NAV3: variants seen among roughly 807,000 people sequenced by gnomAD.
NAV3 encodes the protein pore membrane and/or filament interacting like protein 1.
Under a neutral mutation model 244.7 loss-of-function variants are expected in NAV3, and 87 were observed. The observed-to-expected ratio is 0.36, with a 90% CI of 0.30 to 0.42. NAV3 has a LOEUF of 0.42. Ranked by LOEUF, NAV3 falls within the 20% of genes least tolerant of loss-of-function variation. The probability of loss-of-function intolerance (pLI) is 1.00; values close to 1 mark genes in which losing one functional copy is unlikely to be tolerated. For missense variants in NAV3, 2,663 were observed against 2,893.3 expected, an observed-to-expected ratio of 0.92 and a Z score of 1.83; for synonymous variants, 1,126 against 1,042.2, an observed-to-expected ratio of 1.08 and a Z score of -1.55.
chr12:77,629,590 C>G (rs930753711), intron 2 of NAV3, among the ~76,000 whole-genome samples: 5 of 152,182 alleles, frequency 3.3e-5, no homozygotes, highest in African/African-American at 1.2e-4. Flanking sequence ...TAACTTTTCA[C>G]TCTAATTTTT....
chr12:77,849,332 C>A (rs1029462585), intron 1 of NAV3, among the ~76,000 whole-genome samples: 7 of 152,052 alleles, frequency 4.6e-5, no homozygotes, highest in Non-Finnish European at 5.9e-5. Flanking sequence ...GCAAAAAGAG[C>A]CATCCTAGAG....
At chr12:77,837,469 T>C (rs917205943) in intron 1 of NAV3, among the ~76,000 whole-genome samples, 6 of 152,022 alleles carry the variant, frequency 3.9e-5, no homozygotes, top group African/African-American at 9.7e-5. Flanking sequence ...AAACACTTCA[T>C]AGAGTATTCC....
intron 1 of NAV3, among the ~76,000 whole-genome samples, chr12:77,842,681 G>A (rs1438182089): frequency 1.3e-5 from 2 of 151,872 alleles, no homozygotes; most frequent in African/African-American, 4.8e-5. Flanking sequence ...GGGTCACCGA[G>A]TGGGAATGTG....
chr12:77,832,532 T>C (rs1405223468), intron 1 of NAV3, among the ~76,000 whole-genome samples: 5 of 152,204 alleles, frequency 3.3e-5, no homozygotes, highest in Non-Finnish European at 7.3e-5. Context: ...ATTTATGTGG[T>C]TCATGAGAGA....
intron 16 of NAV3, among the ~76,000 whole-genome samples, chr12:78,126,497 T>C (rs2138791662): frequency 6.6e-6 from 1 of 152,316 alleles, no homozygotes; most frequent in East Asian, 1.9e-4. Context: ...ACATAGCTTT[T>C]CATTCCTTCT....
chr12:77,586,117 G>A (rs1354037532), intron 2 of NAV3, among the ~76,000 whole-genome samples: 6 of 151,850 alleles, frequency 4.0e-5, no homozygotes, highest in Admixed American at 3.9e-4. Context: ...AGCCGAGATC[G>A]CGCCACTGCA....
At chr12:77,824,720 C>T (rs1872898338) in intron 2 of NAV3, among the ~76,000 whole-genome samples, 2 of 151,880 alleles carry the variant, frequency 1.3e-5, no homozygotes, top group Non-Finnish European at 2.9e-5. Flanking sequence ...TGGTAAAACC[C>T]TGTATCTACT....
chr12:77,835,076 A>C (rs1303248569), intron 1 of NAV3, among the ~76,000 whole-genome samples: 1 of 37,034 alleles, frequency 2.7e-5, no homozygotes, highest in African/African-American at 8.0e-5. Flanking sequence ...GGGAGACTTC[A>C]GGAAGTTGTC....
At chr12:77,726,952 C>G (rs1876904408) in intron 2 of NAV3, among the ~76,000 whole-genome samples, 1 of 151,796 alleles carries the variant, frequency 6.6e-6, no homozygotes, top group South Asian at 2.1e-4. Flanking sequence ...ATGTTAAAAA[C>G]AAGGAAAGCT....
chr12:77,686,420 CTTTCTTTTT>C (rs746000926), intron 2 of NAV3, among the ~76,000 whole-genome samples: 6 of 48,566 alleles, frequency 1.2e-4, no homozygotes, highest in East Asian at 1.5e-3. Context: ...TTCTTTCTTT[CTTTCTTTTT>C]TTTTTTTTTT....
intron 24 of NAV3, among the ~76,000 whole-genome samples, chr12:78,170,456 CTCT>C (rs1396715879): frequency 6.6e-6 from 1 of 151,694 alleles, no homozygotes; most frequent in African/African-American, 2.4e-5. Context: ...AATAGCCTTC[CTCT>C]TCTTAATCTT....
At chr12:77,610,231 T>C (rs1870850201) in intron 2 of NAV3, among the ~76,000 whole-genome samples, 1 of 151,650 alleles carries the variant, frequency 6.6e-6, no homozygotes. Context: ...TGAAAAATGC[T>C]CTTTTCTTAG....
chr12:77,956,094 A>G (rs149222708), intron 3 of NAV3, among the ~76,000 whole-genome samples: 84 of 152,328 alleles, frequency 5.5e-4, no homozygotes, highest in African/African-American at 1.9e-3. Context: ...AAGCAAAAAT[A>G]TTACTGTATT....
intron 6 of NAV3, among the ~76,000 whole-genome samples, 181 bp from the exon 7 acceptor site, chr12:77,998,156 C>T (rs985121270): frequency 6.6e-6 from 1 of 152,090 alleles, no homozygotes; most frequent in Non-Finnish European, 1.5e-5. Context: ...AAAAGGGAAA[C>T]AAGATTTTTC....
intron 22 of NAV3, among the ~76,000 whole-genome samples, chr12:78,149,893 G>A (rs1307673880): frequency 6.6e-6 from 1 of 151,990 alleles, no homozygotes; most frequent in African/African-American, 2.4e-5. Context: ...TTCTGAGTAT[G>A]TGTATCATTT....
At chr12:77,688,413 C>T (rs1275980583) in intron 2 of NAV3, among the ~76,000 whole-genome samples, 1 of 152,018 alleles carries the variant, frequency 6.6e-6, no homozygotes, top group Admixed American at 6.6e-5. Flanking sequence ...ACTTTCCTCA[C>T]TAGGCTGTAA....
chr12:78,117,489 A>C (rs1955471145), intron 13 of NAV3, among the ~76,000 whole-genome samples: 1 of 147,040 alleles, frequency 6.8e-6, no homozygotes, highest in African/African-American at 2.5e-5. Context: ...TTAATATATA[A>C]TGTATAATTC....
intron 2 of NAV3, among the ~76,000 whole-genome samples, chr12:77,824,822 G>A (rs12315777): frequency 0.15 from 22,905 of 151,772 alleles, 3,941 homozygotes; most frequent in African/African-American, 0.42. Context: ...GAACCCAGGA[G>A]GCAGGGATTC....
intron 1 of NAV3, among the ~76,000 whole-genome samples, chr12:77,922,516 A>G (rs1450775984): frequency 6.6e-6 from 1 of 152,106 alleles, no homozygotes; most frequent in African/African-American, 2.4e-5. Flanking sequence ...GTTATCCTAC[A>G]GAGGTGTTGC....
Sources: allele counts gnomAD v4.1 joint callset (sites outside exome capture counted in the v4.1 genomes callset), GRCh38; gene constraint gnomAD v4.1.1; transcripts MANE v1.5; gene names NCBI Gene and HGNC (gene_info 2026-07-23, HGNC 2026-07-21).